Variants in NDNF observed in about 807,000 individuals in gnomAD.
NDNF encodes neuron derived neurotrophic factor.
NDNF carries 16 observed loss-of-function variants against 42.0 expected under a neutral mutation model. That is an observed-to-expected ratio of 0.38 (90% CI 0.26 to 0.58). The LOEUF is 0.58. Among genes scored for constraint, NDNF ranks in the 20% least tolerant of loss-of-function variants. The probability of loss-of-function intolerance (pLI) is 0.67; values close to 1 mark genes in which losing one functional copy is unlikely to be tolerated. For synonymous variants in NDNF, 248 were observed against 251.7 expected (o/e 0.99, Z 0.14); for missense variants, 616 against 666.2 (o/e 0.92, Z 0.83).
chr4:121,071,133 G>A (rs760739979), intron 1 of NDNF, among the ~76,000 whole-genome samples: 29 of 152,282 alleles, frequency 1.9e-4, no homozygotes, highest in Admixed American at 9.8e-4. Context: ...TATCGGGGCC[G>A]CGGCGACTCC....
chr4:121,049,919 T>C (rs950095055), intron 1 of NDNF, among the ~76,000 whole-genome samples: 2 of 152,224 alleles, frequency 1.3e-5, no homozygotes, highest in African/African-American at 2.4e-5. Context: ...ATTTATACTC[T>C]GTCAGATTCT....
intron 1 of NDNF, among the ~76,000 whole-genome samples, chr4:121,064,464 T>A (rs954641548): frequency 1.5e-4 from 23 of 152,142 alleles, no homozygotes; most frequent in African/African-American, 5.3e-4. Flanking sequence ...TATAACACAA[T>A]ATACATAAAA....
chr4:121,039,245 GTATATA>G (rs201707169), intron 3 of NDNF, among the ~76,000 whole-genome samples: 2 of 120,420 alleles, frequency 1.7e-5, no homozygotes, highest in African/African-American at 6.8e-5. Context: ...TAAAGACTAT[GTATATA>G]TATATAGTCA....
chr4:121,061,819 C>G (rs991040461), intron 1 of NDNF, among the ~76,000 whole-genome samples: 1 of 152,160 alleles, frequency 6.6e-6, no homozygotes, highest in Non-Finnish European at 1.5e-5. Flanking sequence ...AGATCTGAGT[C>G]AAAGATCTAA....
chr4:121,045,118 C>A (rs1727065640), intron 2 of NDNF, among the ~76,000 whole-genome samples: 1 of 152,160 alleles, frequency 6.6e-6, no homozygotes, highest in Admixed American at 6.5e-5. Flanking sequence ...TTTGGGCGGC[C>A]AAAGAGGGCG....
intron 3 of NDNF, 73 bp from the exon 4 acceptor site, chr4:121,037,730 TTA>T (rs1424515354): frequency 1.8e-6 from 2 of 1,091,908 alleles, no homozygotes; most frequent in African/African-American, 1.6e-5. Context: ...AGTTATCCTT[TTA>T]TCTTATTTTT....
At chr4:121,053,313 T>G (rs548600831) in intron 1 of NDNF, among the ~76,000 whole-genome samples, 3 of 152,210 alleles carry the variant, frequency 2.0e-5, no homozygotes, top group Non-Finnish European at 4.4e-5. Context: ...CATTCTGTCA[T>G]GCGCTCCCTC....
In NDNF at chr4:121,039,192, GTATATATATA is replaced by G. The variant is rs57613027; in HGVS notation, c.313+728_313+737del. On this transcript the variant is annotated intron_variant, in intron 3 of 3. Coordinates refer to ENST00000379692, the MANE Select transcript of NDNF (RefSeq NM_024574.4). The stretch of plus-strand genomic sequence containing the variant: ...ATATAAAGACTATGTGTGTGTGTGT[GTATATATATA>G]TATATATATATATATATATATATAT... Among the ~76,000 whole-genome samples, 53 of 21,548 alleles carry G rather than the reference GTATATATATA, an allele frequency of 2.5e-3. 1 individual carries two copies. The highest frequency in any genetic ancestry group is 4.1e-3 in the African/African-American group (27 of 6,630). 14.1% of individuals were successfully genotyped at this position (21,548 alleles called of 152,430 possible). A position where few individuals can be genotyped will look rare whatever the true frequency, so the allele number is the denominator to read the frequency against.
chr4:121,044,588 A>T (rs965930986), intron 2 of NDNF, among the ~76,000 whole-genome samples: 1 of 151,946 alleles, frequency 6.6e-6, no homozygotes, highest in Non-Finnish European at 1.5e-5. Flanking sequence ...GAGTAAAGGT[A>T]AATAAACCGT....
intron 1 of NDNF, among the ~76,000 whole-genome samples, chr4:121,065,414 G>A (rs368508301): frequency 6.6e-6 from 1 of 151,854 alleles, no homozygotes; most frequent in South Asian, 2.1e-4. Context: ...TGTTCAGTAC[G>A]ATTTTAGAGG....
At chr4:121,061,174 C>T (rs1171584440) in intron 1 of NDNF, 2 of 152,180 alleles carry the variant, frequency 1.3e-5, no homozygotes, top group Non-Finnish European at 2.9e-5. Context: ...CCAAAACACA[C>T]AAAAACACCT....
chr4:121,066,649 A>C (rs1186526131), intron 1 of NDNF, among the ~76,000 whole-genome samples: 2 of 152,322 alleles, frequency 1.3e-5, no homozygotes, highest in East Asian at 3.9e-4. Flanking sequence ...GGTGATTTCA[A>C]AAACAAGATG....
chr4:121,067,220 C>T (rs185598041), intron 1 of NDNF, among the ~76,000 whole-genome samples: 8 of 151,886 alleles, frequency 5.3e-5, no homozygotes, highest in African/African-American at 9.7e-5. Flanking sequence ...ATAAAAAAGA[C>T]GGCAAATTAT....
At chr4:121,070,353 T>C in intron 1 of NDNF, among the ~76,000 whole-genome samples, 1 of 152,158 alleles carries the variant, frequency 6.6e-6, no homozygotes, top group Non-Finnish European at 1.5e-5. Flanking sequence ...CTGCAACCGC[T>C]CCCTTGGGAG....
At position 121,037,004 on chromosome 4, in the gene NDNF, T is replaced by C; in HGVS notation, c.967A>G (p.Met323Val). 3.7e-6 allele frequency: 6 copies of C among 1,614,046 alleles called. No homozygotes were observed. The highest frequency in any genetic ancestry group is 5.1e-6 in the Non-Finnish European group (6 of 1,180,028). The change falls in exon 4 of 4, where the codon ATG (methionine) becomes GTG (valine). Residue 323 changes from methionine to valine, a missense_variant. Physicochemically the swap from Met to Val is conservative, Grantham distance 21. Transcript: ENST00000379692. ...AAGGTACCTACATAAGCGGTGCTCA[T>C]GTTGCTGTTGATGTTGACCACAAAT... ...DVFVVNINSN[M>V]STAYVGTFAR...
At chr4:121,050,288 A>C (rs1045101515) in intron 1 of NDNF, among the ~76,000 whole-genome samples, 2 of 152,226 alleles carry the variant, frequency 1.3e-5, no homozygotes, top group Non-Finnish European at 2.9e-5. Context: ...ATAAGCCTTA[A>C]ATTGCTTTAT....
chr4:121,040,521 C>T (rs1726979318), intron 2 of NDNF, among the ~76,000 whole-genome samples: 1 of 152,192 alleles, frequency 6.6e-6, no homozygotes, highest in Admixed American at 6.5e-5. Flanking sequence ...ATAGTTGCAA[C>T]TATTTCAAAA....
chr4:121,059,818 T>C (rs1221140387), intron 1 of NDNF, among the ~76,000 whole-genome samples: 2 of 152,186 alleles, frequency 1.3e-5, no homozygotes, highest in Admixed American at 6.5e-5. Flanking sequence ...GTCCTGAGAA[T>C]GGTCCTTTCT....
chr4:121,044,168 T>C (rs988671657), intron 2 of NDNF, among the ~76,000 whole-genome samples: 1 of 152,234 alleles, frequency 6.6e-6, no homozygotes, highest in Admixed American at 6.5e-5. Context: ...GTAGGAAAAC[T>C]GATCACCTAT....
Sources: allele counts gnomAD v4.1 joint callset (sites outside exome capture counted in the v4.1 genomes callset), GRCh38; gene constraint gnomAD v4.1.1; transcripts MANE v1.5; gene names NCBI Gene and HGNC (gene_info 2026-07-23, HGNC 2026-07-21).